Variants in NTM observed in about 807,000 individuals in gnomAD.
The protein encoded by NTM is neurotrimin, also known as IgLON family member 2.
NTM carries 13 observed loss-of-function variants against 42.1 expected under a neutral mutation model. The ratio of observed to expected loss-of-function variants is 0.31; its 90% CI spans 0.20 to 0.49. The LOEUF (loss-of-function observed/expected upper bound fraction) is 0.49, where lower values mean the gene tolerates loss of function less well. Among genes scored for constraint, NTM ranks in the 20% least tolerant of loss-of-function variants. The pLI is 0.99. For missense variants in NTM, 373 were observed against 452.8 expected (o/e 0.82, Z 1.60); for synonymous variants, 187 against 179.2 (o/e 1.04, Z -0.35).
intron 1 of NTM, among the ~76,000 whole-genome samples, chr11:131,419,962 T>C (rs1013321627): frequency 2.0e-5 from 3 of 152,172 alleles, no homozygotes; most frequent in Admixed American, 2.0e-4. Context: ...GCAGCCATCA[T>C]CAACCTGCCC....
intron 1 of NTM, among the ~76,000 whole-genome samples, chr11:131,868,665 C>T (rs1452247343): frequency 6.6e-6 from 1 of 152,220 alleles, no homozygotes; most frequent in Non-Finnish European, 1.5e-5. Context: ...CTCTGTGTCA[C>T]TCTACCTTTG....
intron 1 of NTM, among the ~76,000 whole-genome samples, chr11:131,521,065 C>A (rs548917911): frequency 1.1e-4 from 16 of 152,086 alleles, no homozygotes; most frequent in Middle Eastern, 3.4e-3. Flanking sequence ...TGGCTCATGC[C>A]TGTAATCCTG....
At position 132,003,102 on chromosome 11, in the gene NTM, T is replaced by C. The variant is rs1018717444; in HGVS notation, c.167+91454T>C. The stretch of plus-strand genomic sequence containing the variant: ...TGCCACAGTTGTGTGTGTAATTGAC[T>C]TTTATAGTCAATTCTGCTTATATTT... On this transcript the variant is annotated intron_variant, in intron 2 of 8. Coordinates refer to ENST00000683400, the MANE Select transcript of NTM (RefSeq NM_001352005.2). The surrounding 1 kb of genome is among the most constrained non-coding windows in gnomAD (Gnocchi z 6.0). Among the ~76,000 whole-genome samples, 2 of 152,172 alleles carry C rather than the reference T, an allele frequency of 1.3e-5. No homozygotes were observed. Among genetic ancestry groups the C allele is most frequent in the Admixed American group, 6.5e-5 (1 of 15,282 alleles).
At chr11:131,711,466 A>C (rs560567855) in intron 1 of NTM, among the ~76,000 whole-genome samples, 2,903 of 152,324 alleles carry the variant, frequency 0.019, 84 homozygotes, top group African/African-American at 0.064. Context: ...GCAATCATTA[A>C]AAAGTCAGGA....
chr11:132,049,450 G>T (rs774564675), intron 2 of NTM, among the ~76,000 whole-genome samples: 1 of 152,166 alleles, frequency 6.6e-6, no homozygotes, highest in African/African-American at 2.4e-5. Flanking sequence ...TGGGGCAGGG[G>T]TGCGGTTGTG....
At chr11:132,215,228 C>A (rs964903352) in intron 4 of NTM, among the ~76,000 whole-genome samples, 2 of 151,950 alleles carry the variant, frequency 1.3e-5, no homozygotes, top group Non-Finnish European at 2.9e-5. Context: ...CCATCAAGAT[C>A]TTTCTTACAT....
intron 1 of NTM, among the ~76,000 whole-genome samples, chr11:131,383,294 A>G (rs1942920762): frequency 1.3e-5 from 2 of 152,308 alleles, no homozygotes; most frequent in African/African-American, 4.8e-5. Flanking sequence ...TTAGGCATAC[A>G]CAACAACAAG....
At chr11:131,586,310 T>C (rs870399) in intron 1 of NTM, among the ~76,000 whole-genome samples, 120,417 of 152,014 alleles carry the variant, frequency 0.79, 48,703 homozygotes, top group East Asian at 1. Flanking sequence ...TGAGTATGGG[T>C]TATGCTTATT....
At position 132,336,301 on chromosome 11, in the gene NTM, G is replaced by C. The variant is rs2095871508; in HGVS notation, c.*1155G>C. ...TGTTGATCTTCTAAAAGATGATAGA[G>C]TTTACTGGTAATTGTGTAATCAGCT... On this transcript the variant is annotated 3_prime_UTR_variant, in exon 9 of 9. Coordinates refer to ENST00000683400, the MANE Select transcript of NTM (RefSeq NM_001352005.2). The C allele has an allele frequency of 6.6e-6, 1 of 151,852 alleles. No homozygotes were observed. The highest frequency in any genetic ancestry group is 2.1e-4 in the South Asian group (1 of 4,804). The allele number at this position is 151,852 out of a possible 1,614,324, so 9.4% of individuals were successfully genotyped here. A position where few individuals can be genotyped will look rare whatever the true frequency, so the allele number is the denominator to read the frequency against.
At chr11:131,987,378 CCTATTCTATT>C (rs60741014) in intron 2 of NTM, among the ~76,000 whole-genome samples, 34,375 of 147,812 alleles carry the variant, frequency 0.23, 4,476 homozygotes, top group Non-Finnish European at 0.29. Flanking sequence ...TCCTATTCCT[CCTATTCTATT>C]CTATTCTATT....
chr11:131,801,256 C>T (rs10894449), intron 1 of NTM, among the ~76,000 whole-genome samples: 101,040 of 152,052 alleles, frequency 0.66, 34,044 homozygotes, highest in East Asian at 0.79. Flanking sequence ...GGGTAGAATG[C>T]TATTTGTCCT....
At chr11:132,247,610 A>G (rs2091366036) in intron 4 of NTM, among the ~76,000 whole-genome samples, 2 of 152,188 alleles carry the variant, frequency 1.3e-5, no homozygotes, top group East Asian at 1.9e-4. Context: ...GAGATTCAGA[A>G]GGAAAATATC....
chr11:132,060,647 T>C (rs1455656270), intron 2 of NTM, among the ~76,000 whole-genome samples: 2 of 152,254 alleles, frequency 1.3e-5, no homozygotes, highest in East Asian at 3.8e-4. Context: ...ACACAGACTT[T>C]GACTTGCAGT....
intron 1 of NTM, among the ~76,000 whole-genome samples, chr11:131,458,077 T>C (rs903139371): frequency 4.6e-5 from 7 of 152,186 alleles, no homozygotes; most frequent in Non-Finnish European, 2.9e-5. Context: ...ACTGGATCAC[T>C]AGGGGATGAG....
At chr11:132,321,100 A>G (rs1479905402) in intron 7 of NTM, among the ~76,000 whole-genome samples, 4 of 152,134 alleles carry the variant, frequency 2.6e-5, no homozygotes, top group Non-Finnish European at 5.9e-5. Context: ...AAAACTGGAA[A>G]CTCTAAAAAG....
chr11:132,106,694 T>A (rs1223919489), intron 2 of NTM, among the ~76,000 whole-genome samples: 2 of 152,214 alleles, frequency 1.3e-5, no homozygotes, highest in African/African-American at 4.8e-5. Context: ...CAGGCAGAAC[T>A]GAGTTTATTT....
chr11:131,761,023 A>G (rs2084078714), intron 1 of NTM, among the ~76,000 whole-genome samples: 1 of 145,114 alleles, frequency 6.9e-6, no homozygotes, highest in African/African-American at 2.5e-5. Flanking sequence ...AGCCAAAACC[A>G]CCGGGATGGA....
At chr11:131,558,780 G>A (rs577726664) in intron 1 of NTM, among the ~76,000 whole-genome samples, 1 of 152,256 alleles carries the variant, frequency 6.6e-6, no homozygotes, top group South Asian at 2.1e-4. Context: ...GAGAAGGGGT[G>A]CCATCCCCTA....
intron 4 of NTM, among the ~76,000 whole-genome samples, chr11:132,216,625 C>T: frequency 6.6e-6 from 1 of 152,202 alleles, no homozygotes; most frequent in East Asian, 1.9e-4. Context: ...ATGTCCCTGT[C>T]CCATGAGTTC....
Sources: allele counts gnomAD v4.1 joint callset (sites outside exome capture counted in the v4.1 genomes callset), GRCh38; gene constraint gnomAD v4.1.1; non-coding constraint Gnocchi (gnomAD v3.1); transcripts MANE v1.5; gene names NCBI Gene and HGNC (gene_info 2026-07-23, HGNC 2026-07-21).